Variants in CDH13 observed in about 807,000 individuals in gnomAD.
CDH13 encodes cadherin 13, also known as cadherin-13.
In CDH13, 24 loss-of-function variants were observed where a neutral mutation model predicts 63.8. That is an observed-to-expected ratio of 0.38 (90% CI 0.27 to 0.53). The LOEUF is 0.53. Among genes scored for constraint, CDH13 ranks in the 20% least tolerant of loss-of-function variants. The pLI is 0.85. For synonymous variants in CDH13, 503 were observed against 355.3 expected (o/e 1.42, Z -4.67); for missense variants, 1,049 against 903.1 (o/e 1.16, Z -2.07).
intron 6 of CDH13, among the ~76,000 whole-genome samples, chr16:83,381,592 A>T (rs1310320261): frequency 1.3e-5 from 2 of 151,950 alleles, no homozygotes; most frequent in African/African-American, 2.4e-5. Flanking sequence ...TACCCTTCAC[A>T]TCACCTTCTC....
At chr16:83,239,095 T>C (rs1350629041) in intron 5 of CDH13, among the ~76,000 whole-genome samples, 1 of 152,222 alleles carries the variant, frequency 6.6e-6, no homozygotes, top group African/African-American at 2.4e-5. Flanking sequence ...GATGCTCTAC[T>C]TCCTACTCTA....
chr16:83,511,075 TGCACGCATGCACACACAC>T (rs1207511058), intron 7 of CDH13, among the ~76,000 whole-genome samples: 14 of 139,716 alleles, frequency 1.0e-4, no homozygotes, highest in South Asian at 9.1e-4. Flanking sequence ...CGCACACACA[TGCACGCATGCACACACAC>T]ATGCACACAT....
intron 7 of CDH13, among the ~76,000 whole-genome samples, chr16:83,600,786 C>T (rs999460912): frequency 6.6e-6 from 1 of 152,204 alleles, no homozygotes; most frequent in Admixed American, 6.5e-5. Context: ...TTATTGCCTT[C>T]ATTAGCTGAA....
intron 13 of CDH13, among the ~76,000 whole-genome samples, chr16:83,789,699 C>A (rs979209081): frequency 3.3e-5 from 5 of 152,134 alleles, no homozygotes; most frequent in African/African-American, 9.7e-5. Flanking sequence ...ATAGTCCTTA[C>A]AAGAATTTTG....
Position 82,698,397 on chromosome 16 carries a change from T to A in CDH13, c.45+71260T>A, listed in dbSNP as rs367876174. Reference sequence around the variant, plus strand: ...AAAGGAAGAGAATGTATCAGGTAGCTTTTGCTCTGTGACAGACAACTACAA... The same window carrying A: ...AAAGGAAGAGAATGTATCAGGTAGCATTTGCTCTGTGACAGACAACTACAA... On this transcript the variant is annotated intron_variant, in intron 1 of 13. Transcript: ENST00000567109. Among the ~76,000 whole-genome samples the A allele has an allele frequency of 2.0e-5, 3 of 152,226 alleles. No homozygotes were observed. The East Asian group carries it at 5.8e-4, about 29-fold the overall frequency.
At position 83,800,142 on chromosome 16, in the gene CDH13, GA is replaced by G. The variant is rs1167026404; in HGVS notation, c.*5116del. 6.6e-6 allele frequency: 1 copy of G among 152,186 alleles called. No homozygotes were observed. The highest frequency in any genetic ancestry group is 2.4e-5 in the African/African-American group (1 of 41,448). 9.4% of individuals were successfully genotyped at this position (152,186 alleles called of 1,614,324 possible). A position where few individuals can be genotyped will look rare whatever the true frequency, so the allele number is the denominator to read the frequency against. On this transcript the variant is annotated 3_prime_UTR_variant, in exon 14 of 14. Coordinates refer to ENST00000567109, the MANE Select transcript of CDH13 (RefSeq NM_001257.5). ...GCCGTCTCATTGGTAGGGAGATGGT[GA>G]AAAGCGTTGGGTGGTGTAGGACGAG...
At chr16:83,252,063 A>AAT (rs1398529373) in intron 5 of CDH13, among the ~76,000 whole-genome samples, 60 of 144,172 alleles carry the variant, frequency 4.2e-4, no homozygotes, top group African/African-American at 9.6e-4. Context: ...TTTTTAAATA[A>AAT]ATATATATAT....
intron 5 of CDH13, among the ~76,000 whole-genome samples, chr16:83,246,329 C>G (rs543105340): frequency 7.2e-5 from 11 of 152,194 alleles, no homozygotes; most frequent in South Asian, 4.1e-4. Flanking sequence ...CCCCCTGATT[C>G]AGGGGGGGTC....
intron 3 of CDH13, among the ~76,000 whole-genome samples, chr16:83,066,172 G>C (rs900251444): frequency 6.6e-6 from 1 of 152,214 alleles, no homozygotes; most frequent in Non-Finnish European, 1.5e-5. Context: ...TCTATAATTT[G>C]TAAAGCACTT....
At chr16:82,753,119 C>T (rs1033581604) in intron 1 of CDH13, among the ~76,000 whole-genome samples, 3 of 152,096 alleles carry the variant, frequency 2.0e-5, no homozygotes, top group Non-Finnish European at 2.9e-5. Context: ...ACAAACAGTA[C>T]GTGTCAGCTC....
rs546925479 is a variant in CDH13, at chr16:82,710,461, G to A, written c.45+83324G>A. Among the ~76,000 whole-genome samples, 13 of 141,382 alleles carry A rather than the reference G, an allele frequency of 9.2e-5. No homozygotes were observed. In the South Asian group the frequency reaches 1.5e-3, roughly 17 times the overall value. 92.8% of individuals were successfully genotyped at this position (141,382 alleles called of 152,430 possible). The stretch of plus-strand genomic sequence containing the variant: ...ACAGGAGAATGGCGTGAACCCAGGA[G>A]GGCGGAGCTTGCAGTGAGCCGAGAT... On this transcript the variant is annotated intron_variant, in intron 1 of 13. Coordinates refer to ENST00000567109, the MANE Select transcript of CDH13 (RefSeq NM_001257.5).
At chr16:83,789,546 G>A (rs1036605528) in intron 13 of CDH13, among the ~76,000 whole-genome samples, 7 of 151,530 alleles carry the variant, frequency 4.6e-5, no homozygotes, top group East Asian at 3.9e-4. Context: ...ACAGGGTTTC[G>A]CCATGTTGGC....
chr16:82,985,918 C>T (rs972270613), intron 2 of CDH13, among the ~76,000 whole-genome samples: 1 of 152,090 alleles, frequency 6.6e-6, no homozygotes, highest in Non-Finnish European at 1.5e-5. Context: ...TGTGTTGTGC[C>T]TGCCTCCCTT....
At chr16:83,489,271 T>C (rs910918276) in intron 7 of CDH13, among the ~76,000 whole-genome samples, 3 of 152,210 alleles carry the variant, frequency 2.0e-5, no homozygotes, top group Non-Finnish European at 4.4e-5. Flanking sequence ...GGGCTTTCAT[T>C]AAGTTGTAAT....
At chr16:82,891,367 C>T (rs12935090) in intron 2 of CDH13, among the ~76,000 whole-genome samples, 1 of 152,086 alleles carries the variant, frequency 6.6e-6, no homozygotes, top group Non-Finnish European at 1.5e-5. Flanking sequence ...TTTTAAATTT[C>T]TGTTCTGGAG....
intron 4 of CDH13, among the ~76,000 whole-genome samples, chr16:83,146,951 G>A (rs959076273): frequency 3.9e-5 from 6 of 152,068 alleles, no homozygotes; most frequent in Non-Finnish European, 7.3e-5. Flanking sequence ...AGCCTGGTGT[G>A]GTGGCACACA....
chr16:82,811,759 ACT>A (rs1219952663), intron 1 of CDH13, among the ~76,000 whole-genome samples: 2 of 152,058 alleles, frequency 1.3e-5, no homozygotes, highest in East Asian at 3.9e-4. Context: ...TAGTAGATAA[ACT>A]CTATGACAAT....
chr16:83,286,109 C>G (rs2089306230), intron 5 of CDH13, among the ~76,000 whole-genome samples: 1 of 152,156 alleles, frequency 6.6e-6, no homozygotes, highest in Admixed American at 6.5e-5. Context: ...GAGCAACGTT[C>G]CTGCTTCAGC....
intron 4 of CDH13, among the ~76,000 whole-genome samples, chr16:83,161,438 G>A (rs2037439103): frequency 6.6e-6 from 1 of 152,138 alleles, no homozygotes; most frequent in Admixed American, 6.5e-5. Context: ...TATTTTAAAT[G>A]AGTATAGGGA....
Sources: gnomAD v4.1 joint callset for allele counts (sites outside exome capture counted in the v4.1 genomes callset) on GRCh38, gnomAD v4.1.1 for gene constraint, MANE v1.5 for transcripts, NCBI Gene and HGNC (gene_info 2026-07-23, HGNC 2026-07-21) for gene names.